The following NECTIN3 variants were observed in gnomAD, a reference collection of about 807,000 sequenced individuals.
The protein encoded by NECTIN3 is nectin-3.
A neutral mutation model predicts 49.4 loss-of-function variants in NECTIN3; 8 were observed. The observed-to-expected ratio is 0.16, with a 90% CI of 0.10 to 0.29. NECTIN3 has a LOEUF of 0.29. Ranked by LOEUF, NECTIN3 falls within the 10% of genes least tolerant of loss-of-function variation. NECTIN3 has a pLI of 1.00. For missense variants in NECTIN3, 581 were observed against 654.6 expected (o/e 0.89, Z 1.23); for synonymous variants, 277 against 241.1 (o/e 1.15, Z -1.38).
intron 7 of NECTIN3, among the ~76,000 whole-genome samples, chr3:111,171,755 T>C (rs1302107236): frequency 2.0e-5 from 3 of 151,808 alleles, no homozygotes; most frequent in African/African-American, 7.3e-5. Flanking sequence ...ACATGTCATC[T>C]CCTGGTAAGT....
chr3:111,135,769 A>G lies in NECTIN3; in HGVS notation c.*1554A>G. The G allele has an allele frequency of 7.3e-6, 7 of 957,880 alleles. No individual in the cohort carries two copies. The highest frequency in any genetic ancestry group is 8.7e-6 in the Non-Finnish European group (7 of 805,150). The allele number at this position is 957,880 out of a possible 1,614,324, so 59.3% of individuals were successfully genotyped here. On this transcript the variant is annotated 3_prime_UTR_variant, in exon 6 of 6. Transcript: ENST00000485303. ...GGCAAAATTCTAACATGTTCATGGTATCTTGCAAATAGTGAAAGCTTTATT... is the reference window on the plus strand; with the variant it reads ...GGCAAAATTCTAACATGTTCATGGTGTCTTGCAAATAGTGAAAGCTTTATT...
downstream of NECTIN3, among the ~76,000 whole-genome samples, chr3:111,141,602 TA>T (rs1369364878): frequency 6.6e-6 from 1 of 151,956 alleles, no homozygotes; most frequent in Non-Finnish European, 1.5e-5. Context: ...TGCTATCTTT[TA>T]ATTAGGTGTG....
intron 4 of NECTIN3, among the ~76,000 whole-genome samples, chr3:111,125,026 T>C (rs1433306509): frequency 1.2e-4 from 15 of 122,954 alleles, no homozygotes; most frequent in East Asian, 8.4e-4. Context: ...TTCTTTCTTT[T>C]TTTTTTTTTT....
intron 7 of NECTIN3, among the ~76,000 whole-genome samples, chr3:111,158,699 A>C (rs775532030): frequency 6.6e-6 from 1 of 152,180 alleles, no homozygotes; most frequent in Non-Finnish European, 1.5e-5. Flanking sequence ...AAACACACAC[A>C]CACAAATTAA....
chr3:111,184,278 T>G (rs1333096839), intron 7 of NECTIN3, among the ~76,000 whole-genome samples: 1 of 152,246 alleles, frequency 6.6e-6, no homozygotes, highest in Non-Finnish European at 1.5e-5. Context: ...TTAAAGTTTT[T>G]CTCTGCTAAT....
In NECTIN3 at chr3:111,135,386, T is replaced by G. The variant is rs886522955; in HGVS notation, c.*1171T>G. On this transcript the variant is annotated 3_prime_UTR_variant, in exon 6 of 6. Transcript: ENST00000485303. ...ACGATTAAAACTGGAAACATGAGGT[T>G]TTTTGTTTTTGTTTTTTTACATAAT... is the stretch of plus-strand genomic sequence containing the variant. 21 of 929,992 alleles carry G rather than the reference T, an allele frequency of 2.3e-5. No individual in the cohort carries two copies. In the South Asian group the frequency reaches 9.4e-4, roughly 42 times the overall value. 57.6% of individuals were successfully genotyped at this position (929,992 alleles called of 1,614,324 possible). A position where few individuals can be genotyped will look rare whatever the true frequency, so the allele number is the denominator to read the frequency against.
intron 3 of NECTIN3, among the ~76,000 whole-genome samples, chr3:111,120,965 G>A (rs1210441019): frequency 6.8e-6 from 1 of 147,282 alleles, no homozygotes. Context: ...AAGTCTGTGT[G>A]TATACCAAAC....
upstream of NECTIN3, among the ~76,000 whole-genome samples, chr3:111,189,844 A>T (rs1576190015): frequency 6.6e-6 from 1 of 152,172 alleles, no homozygotes; most frequent in Non-Finnish European, 1.5e-5. Context: ...GCCTCCAGGC[A>T]CCTGCCATAT....
chr3:111,140,117 T>G (rs867561311), downstream of NECTIN3, among the ~76,000 whole-genome samples: 30 of 151,860 alleles, frequency 2.0e-4, no homozygotes, highest in African/African-American at 7.0e-4. Context: ...ATGCCACCTC[T>G]CAAAAACAAA....
intron 1 of NECTIN3, among the ~76,000 whole-genome samples, chr3:111,089,351 A>G (rs2032115923): frequency 6.7e-6 from 1 of 149,362 alleles, no homozygotes; most frequent in Admixed American, 6.7e-5. Flanking sequence ...CTTATTTCTT[A>G]TTCTTTTTCT....
chr3:111,088,031 A>G (rs2032036674), intron 1 of NECTIN3, among the ~76,000 whole-genome samples: 1 of 151,980 alleles, frequency 6.6e-6, no homozygotes, highest in Admixed American at 6.6e-5. Flanking sequence ...GGGAGGTAAT[A>G]TAGTTGGATG....
At chr3:111,078,285 A>G (rs1160685455) in intron 1 of NECTIN3, among the ~76,000 whole-genome samples, 1 of 152,134 alleles carries the variant, frequency 6.6e-6, no homozygotes, top group Non-Finnish European at 1.5e-5. Flanking sequence ...GCTTGGTTTA[A>G]GATTGACTTT....
At chr3:111,096,873 C>A (rs1282674159) in intron 1 of NECTIN3, among the ~76,000 whole-genome samples, 2 of 152,132 alleles carry the variant, frequency 1.3e-5, no homozygotes, top group African/African-American at 4.8e-5. Flanking sequence ...AGGGTTGGGG[C>A]CCTCATGGAG....
chr3:111,182,753 A>G (rs2035649122), intron 7 of NECTIN3, among the ~76,000 whole-genome samples: 1 of 151,960 alleles, frequency 6.6e-6, no homozygotes, highest in African/African-American at 2.4e-5. Flanking sequence ...CATATTGGTC[A>G]CATGTAGTTG....
chr3:111,129,531 A>C (rs2034299464), intron 5 of NECTIN3, among the ~76,000 whole-genome samples: 5 of 152,198 alleles, frequency 3.3e-5, no homozygotes, highest in Admixed American at 3.3e-4. Context: ...ATCAGGAATC[A>C]ATTTACAAAT....
In NECTIN3 at chr3:111,136,077, CGAT is replaced by C. The variant is rs60276360; in HGVS notation, c.*1865_*1867del. ...GATGTGACTTTATTTTTAATTTAAA[CGAT>C]GAGGTGGCCAGAAGAAAGATGGGTC... is the stretch of plus-strand genomic sequence containing the variant. On this transcript the variant is annotated 3_prime_UTR_variant, in exon 6 of 6. Transcript: ENST00000485303. The C allele has an allele frequency of 0.032, 31,920 of 982,936 alleles. 566 individuals carry two copies. The highest frequency in any genetic ancestry group is 0.042 in the African/African-American group (2,379 of 57,166). 60.9% of individuals were successfully genotyped at this position (982,936 alleles called of 1,614,324 possible). A position where few individuals can be genotyped will look rare whatever the true frequency, so the allele number is the denominator to read the frequency against.
chr3:111,134,008 A>G lies in NECTIN3; in HGVS notation c.1443A>G (p.Leu481=). The change falls in exon 6 of 6, where the codon CTA becomes CTG. Residue 481 remains leucine, a synonymous_variant. Transcript: ENST00000485303. ...AAAACAAAAATCCAGTGAACAATCT[A>G]ATACGTAAAGACTATTTAGAAGAGC... is the stretch of plus-strand genomic sequence containing the variant. The part of the protein sequence containing the change: ...KKENKNPVNN[L]IRKDYLEEPE... The G allele has an allele frequency of 6.2e-7, 1 of 1,613,148 alleles. No individual in the cohort carries two copies. Among genetic ancestry groups the G allele is most frequent in the Non-Finnish European group, 8.5e-7 (1 of 1,179,616 alleles).
At chr3:111,167,996 G>A (rs1236430740) in intron 7 of NECTIN3, among the ~76,000 whole-genome samples, 1 of 152,002 alleles carries the variant, frequency 6.6e-6, no homozygotes, top group Non-Finnish European at 1.5e-5. Flanking sequence ...CAGAATATTT[G>A]TGTTGTGCTT....
chr3:111,153,132 T>C (rs979916000), intron 7 of NECTIN3, among the ~76,000 whole-genome samples: 1 of 151,914 alleles, frequency 6.6e-6, no homozygotes, highest in African/African-American at 2.4e-5. Context: ...GGATTGAGTA[T>C]TTCTAGCATG....
Sources: allele counts gnomAD v4.1 joint callset (sites outside exome capture counted in the v4.1 genomes callset), GRCh38; gene constraint gnomAD v4.1.1; transcripts MANE v1.5; gene names NCBI Gene and HGNC (gene_info 2026-07-23, HGNC 2026-07-21).